LOXL2: variants seen among roughly 807,000 people sequenced by gnomAD.
LOXL2 encodes lysyl oxidase homolog 2.
In LOXL2, 70 loss-of-function variants were observed where a neutral mutation model predicts 93.0. That is an observed-to-expected ratio of 0.75 (90% CI 0.62 to 0.92). The LOEUF (loss-of-function observed/expected upper bound fraction) is 0.92, where lower values mean the gene tolerates loss of function less well. LOXL2 is among the 40% of genes least tolerant of loss of function. The pLI, the probability that LOXL2 is intolerant of heterozygous loss-of-function variation, is 0.00. For synonymous variants in LOXL2, 438 were observed against 413.2 expected, an observed-to-expected ratio of 1.06 and a Z score of -0.73; for missense variants, 973 against 1,054.9, an observed-to-expected ratio of 0.92 and a Z score of 1.08.
chr8:23,365,688 C>CA (rs1245787736), intron 2 of LOXL2: 1 of 152,298 alleles, frequency 6.6e-6, no homozygotes, highest in African/African-American at 2.4e-5. Context: ...GCCGCTGTCC[C>CA]ATGGTCATAG....
intron 3 of LOXL2, among the ~76,000 whole-genome samples, chr8:23,354,886 A>G (rs536894341): frequency 1.3e-5 from 2 of 149,416 alleles, no homozygotes; most frequent in Admixed American, 1.3e-4. Context: ...TGAGCCTGAG[A>G]TCTATCTTCC....
At chr8:23,380,159 A>T (rs1406072727) in intron 1 of LOXL2, among the ~76,000 whole-genome samples, 1 of 152,032 alleles carries the variant, frequency 6.6e-6, no homozygotes, top group Non-Finnish European at 1.5e-5. Context: ...CTTTGGGAGG[A>T]CAAGGCAGGC....
chr8:23,385,642 C>A, intron 1 of LOXL2: 1 of 397,352 alleles, frequency 2.5e-6, no homozygotes. Flanking sequence ...CAGTATCAAT[C>A]AGCATGTGAG....
chr8:23,374,424 C>A (rs762278169), intron 1 of LOXL2, among the ~76,000 whole-genome samples: 1 of 152,142 alleles, frequency 6.6e-6, no homozygotes, highest in Non-Finnish European at 1.5e-5. Context: ...GTGCATGCGC[C>A]TTTACAGCAG....
rs942770526 is a variant in LOXL2, at chr8:23,304,607, T to C, written c.1881-1210A>G. ...TCTTCGGCAAAGAGGGGAGGGTGGCTTTGCCCGCTCTCGGGGCCGCAAGAT... is the reference window on the plus strand; with the variant it reads ...TCTTCGGCAAAGAGGGGAGGGTGGCCTTGCCCGCTCTCGGGGCCGCAAGAT... On this transcript the variant is annotated intron_variant, in intron 10 of 13. Coordinates refer to ENST00000389131, the MANE Select transcript of LOXL2 (RefSeq NM_002318.3). Among the ~76,000 whole-genome samples, 5 of 152,154 alleles carry C rather than the reference T, an allele frequency of 3.3e-5. No homozygotes were observed. In the South Asian group the frequency reaches 1.0e-3, roughly 32 times the overall value.
intron 12 of LOXL2, among the ~76,000 whole-genome samples, chr8:23,300,457 G>A (rs577350234): frequency 1.1e-4 from 16 of 152,204 alleles, no homozygotes; most frequent in African/African-American, 3.4e-4. Context: ...CTTCCTCCTC[G>A]CCCAGCTCCC....
At chr8:23,361,419 C>T (rs529675668) in intron 2 of LOXL2, among the ~76,000 whole-genome samples, 257 of 152,260 alleles carry the variant, frequency 1.7e-3, no homozygotes, top group African/African-American at 5.8e-3. Context: ...TTCAGAAGGC[C>T]GCCAAGGGAC....
intron 2 of LOXL2, among the ~76,000 whole-genome samples, chr8:23,361,282 C>T (rs947565300): frequency 1.3e-5 from 2 of 152,142 alleles, no homozygotes; most frequent in African/African-American, 2.4e-5. Flanking sequence ...ATGATTATCC[C>T]ACCACCCCTT....
At position 23,303,266 on chromosome 8, in the gene LOXL2, C is replaced by G. The variant is rs371807544; in HGVS notation, c.1996+16G>C. ...GTCCCTCTGAGGCCTCCCATCCCCC[C>G]ACTCCGCTCAGATACCTCCTTCACA... is the stretch of plus-strand genomic sequence containing the variant. On this transcript the variant is annotated intron_variant, in intron 11 of 13. Transcript: ENST00000389131. 20 of 1,540,298 alleles carry G rather than the reference C, an allele frequency of 1.3e-5. No individual in the cohort carries two copies. In the South Asian group the frequency reaches 1.6e-4, roughly 12 times the overall value.
At chr8:23,347,179 ACAC>A (rs1467442662) in intron 3 of LOXL2, among the ~76,000 whole-genome samples, 1 of 52,196 alleles carries the variant, frequency 1.9e-5, no homozygotes, top group Non-Finnish European at 3.2e-5. Context: ...ACACACACAC[ACAC>A]ACACACACAC....
intron 10 of LOXL2, among the ~76,000 whole-genome samples, chr8:23,308,600 G>C (rs985116981): frequency 1.3e-5 from 2 of 152,158 alleles, no homozygotes; most frequent in Non-Finnish European, 2.9e-5. Flanking sequence ...AAAATCCCTG[G>C]ACATACAGAG....
In LOXL2 at chr8:23,333,587, T is replaced by C; in HGVS notation, c.780A>G (p.Pro260=). ...FASRRKQRYW[P]FSMDCTGTEA... is the part of the protein sequence containing the mutation. The stretch of plus-strand genomic sequence containing the variant: ...CTGTGCCGGTGCAGTCCATGGAGAA[T>C]GGCCAGTAGCGCTGCTTCCTCCGTG... The change falls in exon 5 of 14, where the codon CCA becomes CCG. Residue 260 remains proline, a synonymous_variant. Transcript: ENST00000389131. The C allele has an allele frequency of 2.5e-6, 4 of 1,613,708 alleles. No homozygotes were observed. Among genetic ancestry groups the C allele is most frequent in the African/African-American group, 2.7e-5 (2 of 75,054 alleles).
In LOXL2 at chr8:23,368,225, C is replaced by A. The variant is rs758429244; in HGVS notation, c.127G>T (p.Glu43Ter). 6 of 1,613,860 alleles carry A rather than the reference C, an allele frequency of 3.7e-6. No homozygotes were observed. In the African/African-American group the frequency reaches 6.7e-5, roughly 18 times the overall value. ...GCGGGGGCCTGGGGCTGGTGATACT[C>A]AGGAGCCGGTTGCTGGAAGTACTCG... ...YPEYFQQPAPEYHQPQAPANV... is the reference protein window; with the variant it reads ...YPEYFQQPAP Residue 43 changes from glutamate to a stop codon, truncating the protein, a stop_gained, in exon 2 of 14, where the codon GAG (glutamate) becomes TAG (stop). Coordinates refer to ENST00000389131, the MANE Select transcript of LOXL2 (RefSeq NM_002318.3). LOFTEE classifies it high-confidence loss of function.
intron 1 of LOXL2, among the ~76,000 whole-genome samples, chr8:23,383,135 A>G (rs1039273617): frequency 2.0e-5 from 3 of 152,096 alleles, no homozygotes; most frequent in Non-Finnish European, 4.4e-5. Flanking sequence ...CCCGTCTTCC[A>G]TCGTGTGGGC....
chr8:23,316,504 T>C (rs1803403400), intron 9 of LOXL2, among the ~76,000 whole-genome samples: 1 of 152,034 alleles, frequency 6.6e-6, no homozygotes, highest in Non-Finnish European at 1.5e-5. Flanking sequence ...TTCTGTGGGC[T>C]CAATCTCTCT....
At chr8:23,314,230 T>C (rs1040369145) in intron 9 of LOXL2, among the ~76,000 whole-genome samples, 13 of 149,330 alleles carry the variant, frequency 8.7e-5, no homozygotes, top group African/African-American at 2.9e-4. Flanking sequence ...TGGAAGTCAG[T>C]GTGGCGATTC....
At position 23,306,026 on chromosome 8, in the gene LOXL2, G is replaced by A. The variant is rs192224145; in HGVS notation, c.1881-2629C>T. Among the ~76,000 whole-genome samples the A allele has an allele frequency of 5.8e-4, 88 of 152,208 alleles. 1 individual carries two copies. In the East Asian group the frequency reaches 0.016, roughly 28 times the overall value. On this transcript the variant is annotated intron_variant, in intron 10 of 13. Transcript: ENST00000389131. The stretch of plus-strand genomic sequence containing the variant: ...GGGTTTCACCATGTTGGCAAGGCTG[G>A]TCTTGAACTCCTGACCTCAAGTGAT...
intron 3 of LOXL2, among the ~76,000 whole-genome samples, chr8:23,344,707 G>C (rs1392253712): frequency 1.3e-5 from 2 of 152,106 alleles, no homozygotes; most frequent in Non-Finnish European, 2.9e-5. Flanking sequence ...ATGGGTCTCT[G>C]TATGTATAAA....
intron 1 of LOXL2, among the ~76,000 whole-genome samples, chr8:23,383,685 G>A (rs1311568227): frequency 1.7e-5 from 2 of 118,314 alleles, no homozygotes; most frequent in African/African-American, 3.4e-5. Flanking sequence ...TTTTGAGACA[G>A]AGTCTTGCTC....
Sources: allele counts gnomAD v4.1 joint callset (sites outside exome capture counted in the v4.1 genomes callset), GRCh38; gene constraint gnomAD v4.1.1; transcripts MANE v1.5; gene names NCBI Gene and HGNC (gene_info 2026-07-23, HGNC 2026-07-21).